Variants in TMCO5A observed in about 807,000 individuals in gnomAD.
TMCO5A encodes the protein transmembrane and coiled-coil domains 5A, also known as transmembrane and coiled-coil domain-containing protein 5A.
TMCO5A carries 34 observed loss-of-function variants against 42.3 expected under a neutral mutation model. That is an observed-to-expected ratio of 0.80 (90% CI 0.61 to 1.07). The LOEUF (loss-of-function observed/expected upper bound fraction) is 1.07. TMCO5A is among the 50% of genes least tolerant of loss of function. The probability of loss-of-function intolerance (pLI) is 0.00; values close to 1 mark genes in which losing one functional copy is unlikely to be tolerated. For synonymous variants in TMCO5A, 131 were observed against 115.6 expected (o/e 1.13, Z -0.86); for missense variants, 357 against 327.9 (o/e 1.09, Z -0.69).
the TMCO5A span, among the ~76,000 whole-genome samples, chr15:38,007,879 T>TTG: frequency 2.4e-5 from 1 of 41,858 alleles, no homozygotes; most frequent in South Asian, 1.1e-3. Context: ...ACACTTTTTT[T>TTG]TTTTTTTTTT....
At chr15:38,038,151 A>G in the TMCO5A span, among the ~76,000 whole-genome samples, 1 of 152,238 alleles carries the variant, frequency 6.6e-6, no homozygotes, top group Non-Finnish European at 1.5e-5. Context: ...GATATAGAAA[A>G]AAAGTGATGA....
the TMCO5A span, among the ~76,000 whole-genome samples, chr15:38,005,903 A>G: frequency 6.6e-6 from 1 of 152,236 alleles, no homozygotes; most frequent in Admixed American, 6.5e-5. Flanking sequence ...GAAGGAACTG[A>G]ACAGCAATAA....
At chr15:38,006,690 A>G in the TMCO5A span, among the ~76,000 whole-genome samples, 1 of 152,194 alleles carries the variant, frequency 6.6e-6, no homozygotes, top group Non-Finnish European at 1.5e-5. Context: ...ATCCCTATGC[A>G]CTATTCCCAA....
chr15:37,937,213 A>G, intron 4 of TMCO5A, 133 bp from the exon 5 acceptor site: 1 of 1,166,676 alleles, frequency 8.6e-7, no homozygotes, highest in South Asian at 1.4e-5. Context: ...TGATTTCAAT[A>G]TACACATGAC....
chr15:37,961,848 T>C (rs185367766), intron 11 of TMCO5A, among the ~76,000 whole-genome samples: 51 of 152,232 alleles, frequency 3.4e-4, no homozygotes, highest in Admixed American at 2.9e-3. Context: ...TCACTCACTG[T>C]TGGTATATAG....
the TMCO5A span, among the ~76,000 whole-genome samples, chr15:37,977,209 G>A: frequency 1.3e-5 from 2 of 152,054 alleles, no homozygotes; most frequent in Non-Finnish European, 2.9e-5. Context: ...TGAATTCTAT[G>A]TCTGTCATTT....
the TMCO5A span, among the ~76,000 whole-genome samples, chr15:38,002,186 G>T: frequency 1.3e-5 from 2 of 151,104 alleles, no homozygotes; most frequent in South Asian, 4.2e-4. Flanking sequence ...TTTTCACAGG[G>T]TATGCTACTT....
downstream of TMCO5A, among the ~76,000 whole-genome samples, chr15:37,968,088 T>G (rs1398831375): frequency 6.6e-6 from 1 of 152,204 alleles, no homozygotes; most frequent in African/African-American, 2.4e-5. Flanking sequence ...CTGAGGCAGG[T>G]GGATTTCATT....
chr15:37,983,403 G>A, the TMCO5A span, among the ~76,000 whole-genome samples: 1 of 152,182 alleles, frequency 6.6e-6, no homozygotes, highest in Non-Finnish European at 1.5e-5. Flanking sequence ...TGGCCCCAAA[G>A]CTTGGCCTGT....
chr15:37,989,674 G>A, the TMCO5A span, among the ~76,000 whole-genome samples: 1 of 151,944 alleles, frequency 6.6e-6, no homozygotes, highest in Non-Finnish European at 1.5e-5. Flanking sequence ...ATACATTTGT[G>A]CTGCTATAAC....
chr15:38,008,761 G>C, the TMCO5A span, among the ~76,000 whole-genome samples: 3 of 152,288 alleles, frequency 2.0e-5, no homozygotes, highest in South Asian at 4.1e-4. Flanking sequence ...TGTCAGAGGA[G>C]GGACAGAATG....
At chr15:38,017,892 C>T in the TMCO5A span, among the ~76,000 whole-genome samples, 99 of 152,214 alleles carry the variant, frequency 6.5e-4, 1 homozygote, top group African/African-American at 2.0e-3. Context: ...TGATCGTGAG[C>T]GAGCTCTCAT....
chr15:38,033,030 C>T, the TMCO5A span, among the ~76,000 whole-genome samples: 2,248 of 151,806 alleles, frequency 0.015, 64 homozygotes, highest in African/African-American at 0.052. Context: ...CGGGTTCACG[C>T]CATTCTCCTG....
At chr15:37,941,539 G>A (rs1233448893) in intron 7 of TMCO5A, 132 bp from the exon 8 acceptor site, 4 of 750,602 alleles carry the variant, frequency 5.3e-6, no homozygotes, top group Admixed American at 4.9e-5. Flanking sequence ...TATCTGTACA[G>A]CAAAAAAGAA....
At chr15:37,950,875 A>G (rs963639336) in intron 11 of TMCO5A, among the ~76,000 whole-genome samples, 161 bp from the exon 12 acceptor site, 2 of 152,184 alleles carry the variant, frequency 1.3e-5, no homozygotes, top group African/African-American at 4.8e-5. Flanking sequence ...ATAGGACAGA[A>G]TATGGGAGGG....
At chr15:37,989,568 A>C in the TMCO5A span, among the ~76,000 whole-genome samples, 2 of 151,944 alleles carry the variant, frequency 1.3e-5, no homozygotes, top group Non-Finnish European at 2.9e-5. Flanking sequence ...TTGGTTGTTT[A>C]AGTGTGTTTC....
chr15:38,035,738 C>G, the TMCO5A span, among the ~76,000 whole-genome samples: 3 of 152,174 alleles, frequency 2.0e-5, no homozygotes, highest in Non-Finnish European at 4.4e-5. Context: ...GGAATGTTAA[C>G]CCCCTCAAAG....
chr15:37,971,443 G>T (rs534978160), downstream of TMCO5A, among the ~76,000 whole-genome samples: 222 of 152,324 alleles, frequency 1.5e-3, 2 homozygotes, highest in African/African-American at 5.1e-3. Flanking sequence ...TGGAGGGGCT[G>T]CCATGAAGAC....
downstream of TMCO5A, among the ~76,000 whole-genome samples, chr15:37,968,645 T>G (rs1890613801): frequency 6.6e-6 from 1 of 151,038 alleles, no homozygotes; most frequent in African/African-American, 2.4e-5. Context: ...TGCAATGACA[T>G]TATCTCAGCT....
Sources: gnomAD v4.1 joint callset for allele counts (sites outside exome capture counted in the v4.1 genomes callset) on GRCh38, gnomAD v4.1.1 for gene constraint, MANE v1.5 for transcripts, NCBI Gene and HGNC (gene_info 2026-07-23, HGNC 2026-07-21) for gene names.